Variants in TAFA5 observed in about 807,000 individuals in gnomAD.
The protein encoded by TAFA5 is chemokine-like protein TAFA-5.
Under a neutral mutation model 15.3 loss-of-function variants are expected in TAFA5, and 6 were observed. That is an observed-to-expected ratio of 0.39 (90% CI 0.21 to 0.77). The LOEUF is 0.77. Among genes scored for constraint, TAFA5 ranks in the 30% least tolerant of loss-of-function variants. The probability of loss-of-function intolerance (pLI) is 0.41; values close to 1 mark genes in which losing one functional copy is unlikely to be tolerated. For missense variants in TAFA5, 161 were observed against 193.1 expected (o/e 0.83, Z 0.98); for synonymous variants, 103 against 80.7 (o/e 1.28, Z -1.48).
chr22:48,623,591 T>C (rs1703050732), intron 1 of TAFA5, among the ~76,000 whole-genome samples: 1 of 152,202 alleles, frequency 6.6e-6, no homozygotes, highest in Admixed American at 6.5e-5. Context: ...AGTGCCAGGC[T>C]GATGTGAACT....
At chr22:48,510,519 C>A (rs1239581827) in intron 1 of TAFA5, among the ~76,000 whole-genome samples, 2 of 152,254 alleles carry the variant, frequency 1.3e-5, no homozygotes, top group Non-Finnish European at 1.5e-5. Context: ...AATGTGAGTG[C>A]AAACCTTCAT....
intron 1 of TAFA5, among the ~76,000 whole-genome samples, chr22:48,594,966 C>A (rs1018199914): frequency 3.3e-5 from 5 of 152,038 alleles, no homozygotes; most frequent in African/African-American, 1.2e-4. Flanking sequence ...TGCCTGTACC[C>A]CTGAGGGAAT....
chr22:48,652,630 G>A (rs1424012187), intron 2 of TAFA5, among the ~76,000 whole-genome samples: 1 of 152,226 alleles, frequency 6.6e-6, no homozygotes, highest in Non-Finnish European at 1.5e-5. Flanking sequence ...TCTGAGGAAG[G>A]ATAATGAAGC....
chr22:48,547,074 C>T (rs1465144859), intron 1 of TAFA5: 1 of 152,860 alleles, frequency 6.5e-6, no homozygotes, highest in African/African-American at 2.4e-5. Flanking sequence ...CCCCCCAGCT[C>T]CCAAGAGAGT....
chr22:48,658,355 C>T (rs1234100469), intron 2 of TAFA5, among the ~76,000 whole-genome samples: 1 of 152,232 alleles, frequency 6.6e-6, no homozygotes, highest in African/African-American at 2.4e-5. Context: ...GAGCCTGCAG[C>T]GTTGCTTGTC....
intron 1 of TAFA5, among the ~76,000 whole-genome samples, chr22:48,581,177 A>G (rs989848056): frequency 6.6e-6 from 1 of 152,234 alleles, no homozygotes; most frequent in African/African-American, 2.4e-5. Context: ...TGACAACTGT[A>G]AAAGTTAGAA....
In TAFA5 at chr22:48,560,766, G is replaced by A. The variant is rs1273663127; in HGVS notation, c.112+71062G>A. Among the ~76,000 whole-genome samples the A allele has an allele frequency of 6.6e-6, 1 of 151,846 alleles. No individual in the cohort carries two copies. The highest frequency in any genetic ancestry group is 1.5e-5 in the Non-Finnish European group (1 of 67,978). On this transcript the variant is annotated intron_variant, in intron 1 of 3. Transcript: ENST00000402357. The surrounding 1 kb of genome is among the most constrained non-coding windows in gnomAD (Gnocchi z 4.2). ...TGGGATTACAGGTGCTCAACACCACGCCTGGATAATTTTTTGTGTTTTTAG... is the reference window on the plus strand; with the variant it reads ...TGGGATTACAGGTGCTCAACACCACACCTGGATAATTTTTTGTGTTTTTAG...
intron 1 of TAFA5, among the ~76,000 whole-genome samples, chr22:48,559,943 C>A (rs8142427): frequency 6.6e-6 from 1 of 152,110 alleles, no homozygotes; most frequent in Non-Finnish European, 1.5e-5. Context: ...CTATCTCAGC[C>A]TGGCACGGGA....
chr22:48,644,080 C>T (rs935060528), intron 1 of TAFA5, among the ~76,000 whole-genome samples: 1 of 152,246 alleles, frequency 6.6e-6, no homozygotes, highest in African/African-American at 2.4e-5. Context: ...CCTCATCCTC[C>T]CGGATGCTCT....
At chr22:48,557,327 G>A (rs901055082) in intron 1 of TAFA5, among the ~76,000 whole-genome samples, 20 of 152,180 alleles carry the variant, frequency 1.3e-4, no homozygotes, top group African/African-American at 4.8e-4. Context: ...GCCACCCTGT[G>A]AGGACACAGA....
intron 1 of TAFA5, among the ~76,000 whole-genome samples, chr22:48,597,684 G>T (rs144113898): frequency 6.6e-6 from 1 of 152,238 alleles, no homozygotes; most frequent in Non-Finnish European, 1.5e-5. Flanking sequence ...CTCAGCTTCC[G>T]GTTCTTGGCT....
chr22:48,544,101 T>C (rs1922567220), intron 1 of TAFA5: 1 of 155,358 alleles, frequency 6.4e-6, no homozygotes, highest in Non-Finnish European at 1.4e-5. Context: ...TGCTCCCAAG[T>C]GCTCCGTTGG....
At position 48,489,568 on chromosome 22, in the gene TAFA5, C is replaced by T. The variant is rs1286884255; in HGVS notation, c.-25C>T. On this transcript the variant is annotated 5_prime_UTR_variant, in exon 1 of 4. Coordinates refer to ENST00000402357, the MANE Select transcript of TAFA5 (RefSeq NM_001082967.3). The surrounding 1 kb of genome is among the most constrained non-coding windows in gnomAD (Gnocchi z 5.5). ...GCCGGCTGCTGAGACGCGCTGCTGC[C>T]CCCCGCGCGGGCGCCGCGGCTTCAA... 3.6e-6 allele frequency: 5 copies of T among 1,382,860 alleles called. No individual in the cohort carries two copies. The highest frequency in any genetic ancestry group is 4.8e-6 in the Non-Finnish European group (5 of 1,044,896). 85.7% of individuals were successfully genotyped at this position (1,382,860 alleles called of 1,614,324 possible).
At chr22:48,682,312 T>C (rs896556486) in intron 2 of TAFA5, among the ~76,000 whole-genome samples, 1 of 152,218 alleles carries the variant, frequency 6.6e-6, no homozygotes, top group African/African-American at 2.4e-5. Context: ...AAATGGCAGA[T>C]GGCACCTGGG....
intron 1 of TAFA5, among the ~76,000 whole-genome samples, chr22:48,496,499 C>T (rs1470732847): frequency 6.6e-6 from 1 of 152,188 alleles, no homozygotes; most frequent in Admixed American, 6.5e-5. Context: ...GATGTGGAAA[C>T]CCTTCTATAC....
At chr22:48,631,787 T>C (rs1009737791) in intron 1 of TAFA5, among the ~76,000 whole-genome samples, 1 of 152,194 alleles carries the variant, frequency 6.6e-6, no homozygotes, top group Non-Finnish European at 1.5e-5. Context: ...CATCGCGGAA[T>C]GTAAAGGGTC....
intron 1 of TAFA5, chr22:48,544,700 G>A (rs769652900): frequency 2.5e-4 from 118 of 471,190 alleles, no homozygotes; most frequent in Non-Finnish European, 3.8e-4. Context: ...CTGCGTGCCC[G>A]CAGATGAGGG....
chr22:48,522,310 G>A lies in TAFA5; in HGVS notation c.112+32606G>A, dbSNP rs538090603. Among the ~76,000 whole-genome samples the A allele has an allele frequency of 2.0e-4, 31 of 152,096 alleles. No homozygotes were observed. The East Asian group carries it at 5.9e-3, about 29-fold the overall frequency. On this transcript the variant is annotated intron_variant, in intron 1 of 3. Transcript: ENST00000402357. Reference sequence around the variant, plus strand: ...GGGAAGGGCGGCAGCTGCCTTGGGGGCTCTGAACAGGTGTGAGGCTCCCGG... The same window carrying A: ...GGGAAGGGCGGCAGCTGCCTTGGGGACTCTGAACAGGTGTGAGGCTCCCGG...
intron 1 of TAFA5, among the ~76,000 whole-genome samples, chr22:48,529,204 A>ATGAGGGTGTCCAGGCAGGAG (rs1921879429): frequency 8.4e-5 from 7 of 83,770 alleles, no homozygotes; most frequent in African/African-American, 1.7e-4. Context: ...CCAGGCAGGA[A>ATGAGGGTGTCCAGGCAGGAG]ATGAGGATGT....
Sources: gnomAD v4.1 joint callset for allele counts (sites outside exome capture counted in the v4.1 genomes callset) on GRCh38, gnomAD v4.1.1 for gene constraint, Gnocchi (gnomAD v3.1) non-coding constraint, MANE v1.5 for transcripts, NCBI Gene and HGNC (gene_info 2026-07-23, HGNC 2026-07-21) for gene names.